GRHL1: variants seen among roughly 807,000 people sequenced by gnomAD.
GRHL1 encodes the protein grainyhead like transcription factor 1.
GRHL1 carries 38 observed loss-of-function variants against 75.7 expected under a neutral mutation model. That is an observed-to-expected ratio of 0.50 (90% CI 0.39 to 0.66). The LOEUF is 0.66. Among genes scored for constraint, GRHL1 ranks in the 30% least tolerant of loss-of-function variants. The pLI is 0.00. For missense variants in GRHL1, 589 were observed against 767.5 expected (o/e 0.77, Z 2.75); for synonymous variants, 266 against 279.4 (o/e 0.95, Z 0.48).
intron 9 of GRHL1, among the ~76,000 whole-genome samples, chr2:9,986,920 C>A (rs1668444937): frequency 6.6e-6 from 1 of 151,894 alleles, no homozygotes; most frequent in African/African-American, 2.4e-5. Flanking sequence ...GTTTCCCATG[C>A]TGGTCTTGAA....
At chr2:9,959,048 G>A (rs1038080099) in intron 3 of GRHL1, 192 bp downstream of exon 3, 19 of 738,850 alleles carry the variant, frequency 2.6e-5, no homozygotes, top group Admixed American at 3.7e-5. Flanking sequence ...TTCTTTGGGC[G>A]TAGTAGTTGC....
At position 9,964,290 on chromosome 2, in the gene GRHL1, A is replaced by G. The variant is rs371096431; in HGVS notation, c.959A>G (p.His320Arg). ...EDKSREDQLR[H>R]WKYWHSRQHT... The stretch of plus-strand genomic sequence containing the variant: ...AAAAGCAGAGAAGATCAGTTAAGGC[A>G]TTGGAAGTACTGGCACTCCCGGCAG... The change falls in exon 7 of 16, where the codon CAT (histidine) becomes CGT (arginine). Residue 320 changes from histidine to arginine, a missense_variant. By Grantham distance (29) the His-to-Arg change is conservative (BLOSUM62 0). Around this residue, in one of 5 missense-constraint regions of GRHL1, gnomAD observed 362 missense variants for 461.8 expected, o/e 0.78. Coordinates refer to ENST00000324907, the MANE Select transcript of GRHL1 (RefSeq NM_198182.3). 9 of 1,613,206 alleles carry G rather than the reference A, an allele frequency of 5.6e-6. No individual in the cohort carries two copies. Among genetic ancestry groups the G allele is most frequent in the Middle Eastern group, 1.6e-4 (1 of 6,084 alleles).
chr2:9,997,673 A>G (rs936215650), intron 14 of GRHL1, among the ~76,000 whole-genome samples: 5 of 151,980 alleles, frequency 3.3e-5, no homozygotes. Context: ...AATACAAAAA[A>G]TTAGCCAGGC....
At chr2:9,982,032 T>C (rs981461464) in intron 8 of GRHL1, among the ~76,000 whole-genome samples, 1 of 152,244 alleles carries the variant, frequency 6.6e-6, no homozygotes, top group Non-Finnish European at 1.5e-5. Context: ...GTTAATATCT[T>C]AAGAACTCTT....
At chr2:9,993,922 G>A (rs1668748788) in intron 12 of GRHL1, among the ~76,000 whole-genome samples, 1 of 152,156 alleles carries the variant, frequency 6.6e-6, no homozygotes, top group Non-Finnish European at 1.5e-5. Flanking sequence ...ATTGCTATCA[G>A]TATGAACTCA....
rs896205109 is a variant in GRHL1 at position 9,990,549 on chromosome 2, A to G, written c.1270-147A>G. 1 of 449,422 alleles carries G rather than the reference A, an allele frequency of 2.2e-6. No individual in the cohort carries two copies. Among genetic ancestry groups the G allele is most frequent in the East Asian group, 3.4e-5 (1 of 29,490 alleles). 27.8% of individuals were successfully genotyped at this position (449,422 alleles called of 1,614,324 possible). On this transcript the variant is annotated intron_variant, in intron 9 of 15. Coordinates refer to ENST00000324907, the MANE Select transcript of GRHL1 (RefSeq NM_198182.3). This position sits in a 1 kb window ranked among gnomAD's most constrained non-coding sequence, Gnocchi z 4.2. The stretch of plus-strand genomic sequence containing the variant: ...ACTAATCTTTTTAGAAGAAACTACT[A>G]TGATAAGCCTCATGAATATAGTAAG...
rs769040863 is a variant in GRHL1 at position 9,961,144 on chromosome 2, A to G, written c.377A>G (p.His126Arg). ...GTGCCATTTAACATTGTCCTTCCCCATGGCAACCAGCTGGGCATTGATAAG... is the reference window on the plus strand; with the variant it reads ...GTGCCATTTAACATTGTCCTTCCCCGTGGCAACCAGCTGGGCATTGATAAG... ...KNVPFNIVLP[H>R]GNQLGIDKRG... Residue 126 changes from histidine (H) to arginine (R), a missense_variant, in exon 4 of 16, where the codon CAT (histidine) becomes CGT (arginine). By Grantham distance (29) the His-to-Arg change is conservative. Around this residue, in one of 5 missense-constraint regions of GRHL1, gnomAD observed 362 missense variants for 461.8 expected, o/e 0.78. Transcript: ENST00000324907. The G allele has an allele frequency of 6.8e-6, 11 of 1,612,594 alleles. No homozygotes were observed. The highest frequency in any genetic ancestry group is 8.5e-6 in the Non-Finnish European group (10 of 1,179,242).
chr2:9,962,800 T>C (rs1558293742), intron 5 of GRHL1, among the ~76,000 whole-genome samples: 1 of 152,182 alleles, frequency 6.6e-6, no homozygotes, highest in Non-Finnish European at 1.5e-5. Context: ...TGGAATCTAA[T>C]AGGAGAGATG....
intron 1 of GRHL1, among the ~76,000 whole-genome samples, chr2:9,953,981 C>T (rs371675805): frequency 7.9e-5 from 12 of 152,112 alleles, no homozygotes; most frequent in East Asian, 3.8e-4. Flanking sequence ...TAGTACCAAC[C>T]GAACAGTTGT....
intron 12 of GRHL1, 130 bp downstream of exon 12, chr2:9,993,374 G>A (rs773788923): frequency 1.1e-4 from 77 of 715,792 alleles, no homozygotes; most frequent in Non-Finnish European, 1.8e-4. Context: ...CAGCCTGATG[G>A]CCCATCACTC....
intron 9 of GRHL1, among the ~76,000 whole-genome samples, chr2:9,989,726 T>A (rs1216818513): frequency 6.6e-6 from 1 of 152,158 alleles, no homozygotes; most frequent in East Asian, 1.9e-4. Flanking sequence ...ATTTTTTGTA[T>A]TTTTAATGGA....
At chr2:9,973,867 T>C (rs1667837206) in intron 8 of GRHL1, among the ~76,000 whole-genome samples, 2 of 152,236 alleles carry the variant, frequency 1.3e-5, no homozygotes, top group South Asian at 2.1e-4. Context: ...CGACCGCTGC[T>C]ACTGTCTCAT....
chr2:9,985,082 A>T (rs1013578802), intron 8 of GRHL1, among the ~76,000 whole-genome samples: 3 of 147,856 alleles, frequency 2.0e-5, no homozygotes, highest in Admixed American at 2.0e-4. Flanking sequence ...AAAAAAAAAA[A>T]TTGCTCCTGT....
In GRHL1 at chr2:9,986,221, A is replaced by G. The variant is rs1241678353; in HGVS notation, c.1208A>G (p.Asn403Ser). 1.9e-6 allele frequency: 3 copies of G among 1,613,874 alleles called. No individual in the cohort carries two copies. Among genetic ancestry groups the G allele is most frequent in the Non-Finnish European group, 2.5e-6 (3 of 1,179,886 alleles). ...ATTCAAGTTGATACCTATAGTTACA[A>G]CAACCGCAGCAACAAGCCTGTGCAC... ...LNIQVDTYSY[N>S]NRSNKPVHRA... The change falls in exon 9 of 16, where the codon AAC (asparagine) becomes AGC (serine). Residue 403 changes from asparagine to serine, a missense_variant. Asn to Ser is a conservative substitution (Grantham distance 46). This residue lies in a region of GRHL1 where 30 missense variants were observed against 40.3 expected (regional missense o/e 0.74). Coordinates refer to ENST00000324907, the MANE Select transcript of GRHL1 (RefSeq NM_198182.3).
rs765264863 is a variant in GRHL1 at position 9,998,799 on chromosome 2, CAT to C, written c.1678-158_1678-157del. On this transcript the variant is annotated intron_variant, in intron 14 of 15. Coordinates refer to ENST00000324907, the MANE Select transcript of GRHL1 (RefSeq NM_198182.3). ...ATATATACGTATATATATGTACACACATATATATACGTATATATATGTACACA... is the reference window on the plus strand; with the variant it reads ...ATATATACGTATATATATGTACACACATATATACGTATATATATGTACACA... Among the ~76,000 whole-genome samples the C allele has an allele frequency of 9.4e-3, 275 of 29,284 alleles. 49 individuals are homozygous for C. Among genetic ancestry groups the C allele is most frequent in the Middle Eastern group, 0.023 (1 of 44 alleles). The allele number at this position is 29,284 out of a possible 152,430, so 19.2% of individuals were successfully genotyped here. A position where few individuals can be genotyped will look rare whatever the true frequency, so the allele number is the denominator to read the frequency against.
chr2:9,997,961 A>G (rs1668945863), intron 14 of GRHL1, among the ~76,000 whole-genome samples: 1 of 152,246 alleles, frequency 6.6e-6, no homozygotes, highest in African/African-American at 2.4e-5. Flanking sequence ...CAGGTCTTAC[A>G]TGTCAGAACA....
rs116413768 is a variant in GRHL1, at chr2:9,981,874, T to C, written c.1111-4250T>C. On this transcript the variant is annotated intron_variant, in intron 8 of 15. Transcript: ENST00000324907. ...TAGTGAGGAAGACATCACATCATGC[T>C]TTGTCCTGTGGTTCAGAGTTACAAC... 7.6e-3 allele frequency among the ~76,000 whole-genome samples: 1,155 copies of C among 152,356 alleles called. 13 individuals are homozygous for C. Among genetic ancestry groups the C allele is most frequent in the African/African-American group, 0.026 (1,101 of 41,596 alleles).
chr2:9,987,651 T>C lies in GRHL1; in HGVS notation c.1269+1369T>C, dbSNP rs367928762. On this transcript the variant is annotated intron_variant, in intron 9 of 15. Transcript: ENST00000324907. This position sits in a 1 kb window ranked among gnomAD's most constrained non-coding sequence, Gnocchi z 4.2. ...TCTCTGCATGACCTGTTTTCCCTGG[T>C]GTGGCTCTTTTTTTATCTGGAGAAG... Among the ~76,000 whole-genome samples the C allele has an allele frequency of 1.3e-5, 2 of 151,676 alleles. No homozygotes were observed. Among genetic ancestry groups the C allele is most frequent in the Admixed American group, 6.5e-5 (1 of 15,268 alleles).
At chr2:9,972,071 G>A (rs1454442498) in intron 8 of GRHL1, among the ~76,000 whole-genome samples, 2 of 152,134 alleles carry the variant, frequency 1.3e-5, no homozygotes, top group Non-Finnish European at 2.9e-5. Context: ...TCTGGACCAG[G>A]GAGGGACTTG....
Sources: allele counts gnomAD v4.1 joint callset (sites outside exome capture counted in the v4.1 genomes callset), GRCh38; gene constraint gnomAD v4.1.1; regional missense constraint gnomAD v4.1.1; non-coding constraint Gnocchi (gnomAD v3.1); transcripts MANE v1.5; gene names NCBI Gene and HGNC (gene_info 2026-07-23, HGNC 2026-07-21).